Variants in CCSER1 observed in about 807,000 individuals in gnomAD.
CCSER1 encodes coiled-coil serine rich protein 1, also known as serine-rich coiled-coil domain-containing protein 1.
Under a neutral mutation model 82.0 loss-of-function variants are expected in CCSER1, and 41 were observed. The ratio of observed to expected loss-of-function variants is 0.50; its 90% CI spans 0.39 to 0.65. CCSER1 has a LOEUF of 0.65. Ranked by LOEUF, CCSER1 falls within the 30% of genes least tolerant of loss-of-function variation. CCSER1 has a pLI of 0.00. For synonymous variants in CCSER1, 414 were observed against 383.9 expected, an observed-to-expected ratio of 1.08 and a Z score of -0.92; for missense variants, 1,119 against 1,064.2, an observed-to-expected ratio of 1.05 and a Z score of -0.72.
chr4:91,188,216 G>C (rs1047978846), intron 10 of CCSER1, among the ~76,000 whole-genome samples: 1 of 152,036 alleles, frequency 6.6e-6, no homozygotes. Flanking sequence ...ACTTGAAAAT[G>C]TTCTGTTTTA....
chr4:90,252,806 T>A (rs1190045403), intron 1 of CCSER1, among the ~76,000 whole-genome samples: 2 of 151,988 alleles, frequency 1.3e-5, no homozygotes, highest in African/African-American at 2.4e-5. Flanking sequence ...TTTTCAATTG[T>A]TCAATGTGTC....
intron 7 of CCSER1, among the ~76,000 whole-genome samples, chr4:90,751,078 A>T (rs1748568896): frequency 6.6e-6 from 1 of 152,106 alleles, no homozygotes; most frequent in Admixed American, 6.6e-5. Context: ...GTTTTGCAAA[A>T]ATTGGTGCAT....
chr4:91,001,039 G>A (rs1737989190), intron 9 of CCSER1, among the ~76,000 whole-genome samples: 1 of 152,064 alleles, frequency 6.6e-6, no homozygotes, highest in South Asian at 2.1e-4. Flanking sequence ...TCACTTGGCT[G>A]TGTGTTTAAC....
chr4:90,771,160 G>A (rs757527464), intron 7 of CCSER1, among the ~76,000 whole-genome samples: 30 of 151,968 alleles, frequency 2.0e-4, no homozygotes, highest in Admixed American at 6.6e-5. Context: ...CCTACACTCT[G>A]CGAATATTTA....
intron 1 of CCSER1, among the ~76,000 whole-genome samples, chr4:90,179,415 G>A (rs1253429874): frequency 6.6e-6 from 1 of 152,126 alleles, no homozygotes; most frequent in Admixed American, 6.5e-5. Context: ...TTTAGAGACA[G>A]GGTCTCACTC....
intron 7 of CCSER1, among the ~76,000 whole-genome samples, chr4:90,774,897 T>C (rs1305324125): frequency 6.6e-6 from 1 of 152,138 alleles, no homozygotes; most frequent in Non-Finnish European, 1.5e-5. Flanking sequence ...ATAGGACCTG[T>C]AGGTAAGAGT....
At chr4:90,856,179 G>A (rs1764444694) in intron 8 of CCSER1, among the ~76,000 whole-genome samples, 1 of 151,916 alleles carries the variant, frequency 6.6e-6, no homozygotes, top group Non-Finnish European at 1.5e-5. Context: ...CTTGCTGATT[G>A]GGCTCAACAC....
intron 7 of CCSER1, among the ~76,000 whole-genome samples, chr4:90,761,783 T>G (rs1034195501): frequency 6.6e-6 from 1 of 152,110 alleles, no homozygotes; most frequent in Non-Finnish European, 1.5e-5. Context: ...GAATGGACTC[T>G]TTTTCCTTCT....
chr4:90,981,151 A>C (rs547309104), intron 9 of CCSER1, among the ~76,000 whole-genome samples: 1 of 151,958 alleles, frequency 6.6e-6, no homozygotes, highest in African/African-American at 2.4e-5. Flanking sequence ...AATGATACTT[A>C]GAGTTTCCCA....
intron 10 of CCSER1, among the ~76,000 whole-genome samples, chr4:91,526,045 A>G (rs1560738511): frequency 1.3e-5 from 2 of 152,174 alleles, no homozygotes; most frequent in Non-Finnish European, 2.9e-5. Context: ...GTTCTTTGGG[A>G]AAAATCCACA....
At chr4:91,438,487 C>T (rs1208525677) in intron 10 of CCSER1, among the ~76,000 whole-genome samples, 1 of 152,072 alleles carries the variant, frequency 6.6e-6, no homozygotes, top group Non-Finnish European at 1.5e-5. Context: ...ATCTGTACAT[C>T]ACCATCATCA....
intron 10 of CCSER1, among the ~76,000 whole-genome samples, chr4:91,423,815 C>A (rs1025353998): frequency 2.0e-5 from 3 of 152,016 alleles, no homozygotes; most frequent in Non-Finnish European, 4.4e-5. Flanking sequence ...GCAGTGTTCA[C>A]TGAGTCTCTG....
intron 10 of CCSER1, among the ~76,000 whole-genome samples, chr4:91,316,157 G>A (rs900795181): frequency 5.3e-5 from 8 of 151,998 alleles, no homozygotes; most frequent in Admixed American, 5.2e-4. Flanking sequence ...CCAGCCATAT[G>A]GAAGTGTGAG....
At chr4:90,743,259 C>T (rs1225242564) in intron 7 of CCSER1, among the ~76,000 whole-genome samples, 2 of 151,928 alleles carry the variant, frequency 1.3e-5, no homozygotes, top group Non-Finnish European at 2.9e-5. Flanking sequence ...ATACATAGCA[C>T]AGAAATTAGA....
chr4:91,361,469 G>A lies in CCSER1; in HGVS notation c.2218-237103G>A. On this transcript the variant is annotated intron_variant, in intron 10 of 10. Coordinates refer to ENST00000509176, the MANE Select transcript of CCSER1 (RefSeq NM_001145065.2). ...GGAGATGATTAGAGTCTTAACTAAT[G>A]TAATAATAATGGGAATGGATGAAAG... is the stretch of plus-strand genomic sequence containing the variant. 1.3e-5 allele frequency among the ~76,000 whole-genome samples: 2 copies of A among 151,808 alleles called. 1 individual carries two copies. Among genetic ancestry groups the A allele is most frequent in the Non-Finnish European group, 2.9e-5 (2 of 67,844 alleles).
intron 5 of CCSER1, among the ~76,000 whole-genome samples, chr4:90,472,349 G>A (rs933559510): frequency 1.3e-5 from 2 of 152,066 alleles, no homozygotes; most frequent in Non-Finnish European, 2.9e-5. Flanking sequence ...CCAATGTTTA[G>A]TTATATTCTG....
intron 10 of CCSER1, among the ~76,000 whole-genome samples, chr4:91,310,853 A>AT (rs376021636): frequency 5.2e-4 from 78 of 150,736 alleles, no homozygotes; most frequent in East Asian, 1.2e-3. Context: ...TTTTTTTGTG[A>AT]TTTTTTTTTA....
At position 91,598,587 on chromosome 4, in the gene CCSER1, C is replaced by G; in HGVS notation, c.2233C>G (p.Arg745Gly). The change falls in exon 11 of 11, where the codon CGA becomes GGA. Residue 745 changes from arginine to glycine, a missense_variant. Arg to Gly is a moderately radical substitution (Grantham distance 125, BLOSUM62 -2). Coordinates refer to ENST00000509176, the MANE Select transcript of CCSER1 (RefSeq NM_001145065.2). Reference protein sequence around the residue: ...QGGREATYRNRIVSQNLSTRD... With the variant: ...QGGREATYRNGIVSQNLSTRD... The stretch of plus-strand genomic sequence containing the variant: ...CTTACCATAGGCTACATATCGAAAT[C>G]GAATTGTGAGCCAAAATCTCAGCAC... 6.5e-7 allele frequency: 1 copy of G among 1,548,206 alleles called. No homozygotes were observed. Among genetic ancestry groups the G allele is most frequent in the Non-Finnish European group, 8.7e-7 (1 of 1,144,682 alleles).
intron 10 of CCSER1, among the ~76,000 whole-genome samples, chr4:91,247,688 C>G (rs1414605208): frequency 1.3e-5 from 2 of 151,800 alleles, no homozygotes; most frequent in African/African-American, 4.8e-5. Flanking sequence ...GCCAACATGG[C>G]GAAACCCTGT....
Sources: allele counts gnomAD v4.1 joint callset (sites outside exome capture counted in the v4.1 genomes callset), GRCh38; gene constraint gnomAD v4.1.1; transcripts MANE v1.5; gene names NCBI Gene and HGNC (gene_info 2026-07-23, HGNC 2026-07-21).